Variants in MROH2B observed in about 807,000 individuals in gnomAD.
MROH2B encodes maestro heat-like repeat-containing protein family member 2B.
MROH2B carries 177 observed loss-of-function variants against 208.6 expected under a neutral mutation model. The ratio of observed to expected loss-of-function variants is 0.85; its 90% CI spans 0.75 to 0.96. The LOEUF is 0.96. MROH2B is among the 40% of genes least tolerant of loss of function. MROH2B has a pLI of 0.00. For missense variants in MROH2B, 2,002 were observed against 1,878.7 expected, an observed-to-expected ratio of 1.07 and a Z score of -1.21; for synonymous variants, 728 against 659.0, an observed-to-expected ratio of 1.10 and a Z score of -1.60.
intron 29 of MROH2B, among the ~76,000 whole-genome samples, chr5:41,014,773 T>C (rs1047160711): frequency 6.6e-6 from 1 of 152,180 alleles, no homozygotes; most frequent in Admixed American, 6.5e-5. Context: ...TCTTTCAGGG[T>C]GTTCTTCTCC....
chr5:41,022,062 G>A (rs1742168925), intron 24 of MROH2B, among the ~76,000 whole-genome samples: 1 of 152,116 alleles, frequency 6.6e-6, no homozygotes, highest in African/African-American at 2.4e-5. Context: ...GATATACATA[G>A]TAGAAGCGGT....
At chr5:41,012,801 A>G in intron 29 of MROH2B, 66 bp from the exon 30 acceptor site, 1 of 1,578,280 alleles carries the variant, frequency 6.3e-7, no homozygotes, top group Non-Finnish European at 8.6e-7. Flanking sequence ...TACTTACAAC[A>G]TGCTGTTGTG....
At chr5:41,015,654 T>C (rs550547615) in intron 28 of MROH2B, among the ~76,000 whole-genome samples, 176 bp from the exon 29 acceptor site, 1 of 152,248 alleles carries the variant, frequency 6.6e-6, no homozygotes, top group Non-Finnish European at 1.5e-5. Flanking sequence ...ATACTCTGCA[T>C]ACAATAATCT....
At position 41,010,007 on chromosome 5, in the gene MROH2B, T is replaced by C. The variant is rs141723926; in HGVS notation, c.3208A>G (p.Ile1070Val). Reference sequence around the variant, plus strand: ...GCTATCTGGGAGATGGCTTCTAGAATGAACTGAAAACTTTCTTCTTTTTGT... The same window carrying C: ...GCTATCTGGGAGATGGCTTCTAGAACGAACTGAAAACTTTCTTCTTTTTGT... ...LRQKEESFQF[I>V]LEAISQIASF... is the part of the protein sequence containing the mutation. Residue 1070 changes from isoleucine to valine, a missense_variant, in exon 31 of 42, where the codon ATT (isoleucine) becomes GTT (valine). By Grantham distance (29) the Ile-to-Val change is conservative (BLOSUM62 3). Coordinates refer to ENST00000399564, the MANE Select transcript of MROH2B (RefSeq NM_173489.5). The C allele has an allele frequency of 2.0e-4, 319 of 1,613,872 alleles. 4 individuals carry two copies. In the East Asian group the frequency reaches 7.0e-3, roughly 35 times the overall value.
intron 24 of MROH2B, among the ~76,000 whole-genome samples, chr5:41,031,597 A>G (rs1742572198): frequency 6.6e-6 from 1 of 151,952 alleles, no homozygotes; most frequent in Non-Finnish European, 1.5e-5. Flanking sequence ...TGTTTCTTCC[A>G]TCTTTTATTT....
In MROH2B at chr5:41,061,684, GT is replaced by G; in HGVS notation, c.500del (p.Asn167ThrfsTer27). 5.0e-6 allele frequency: 8 copies of G among 1,613,844 alleles called. No homozygotes were observed. The highest frequency in any genetic ancestry group is 6.8e-6 in the Non-Finnish European group (8 of 1,179,792). ...TGGGGTAGGGAAAATCTCTCCAGTGGTTGACATATTTGTAAATGGCTTTGCT... is the reference window on the plus strand; with the variant it reads ...TGGGGTAGGGAAAATCTCTCCAGTGGTGACATATTTGTAAATGGCTTTGCT... ...KFSKAIYKYVNHWRDFPYPRL... is the reference protein window; with the variant it reads ...KFSKAIYKYVXHWRDFPYPRL... On this transcript the variant is annotated frameshift_variant, in exon 6 of 42. Coordinates refer to ENST00000399564, the MANE Select transcript of MROH2B (RefSeq NM_173489.5). LOFTEE classifies it high-confidence loss of function.
chr5:41,053,421 A>T (rs541778487), intron 11 of MROH2B, among the ~76,000 whole-genome samples: 8 of 152,244 alleles, frequency 5.3e-5, no homozygotes, highest in Non-Finnish European at 1.2e-4. Context: ...CCTAGAAATT[A>T]GAGTGAAGTT....
At position 41,055,760 on chromosome 5, in the gene MROH2B, A is replaced by G. The variant is rs766781564; in HGVS notation, c.1015T>C (p.Leu339=). 31 of 1,613,688 alleles carry G rather than the reference A, an allele frequency of 1.9e-5. No homozygotes were observed. Among genetic ancestry groups the G allele is most frequent in the African/African-American group, 1.3e-4 (10 of 74,942 alleles). The change falls in exon 10 of 42, where the codon TTG becomes CTG. Residue 339 remains leucine, a synonymous_variant. Transcript: ENST00000399564. The part of the protein sequence containing the change: ...IRVGILTLLR[L]AVNADEPRLR... ...TGCTTACCATCAGCATTGACAGCCA[A>G]TCTTAACAAAGTCAAGATTCCCACT...
At chr5:41,032,265 A>G (rs1257837073) in intron 24 of MROH2B, among the ~76,000 whole-genome samples, 1 of 152,064 alleles carries the variant, frequency 6.6e-6, no homozygotes, top group Non-Finnish European at 1.5e-5. Context: ...AGCCATTCTG[A>G]TTGGCATGAG....
chr5:41,065,731 C>G (rs925917306), intron 3 of MROH2B, among the ~76,000 whole-genome samples: 5 of 152,034 alleles, frequency 3.3e-5, no homozygotes, highest in African/African-American at 1.2e-4. Context: ...AAAACGTCTA[C>G]TGACCCCCAA....
chr5:41,017,710 G>A (rs956819732), intron 28 of MROH2B, 140 bp downstream of exon 28: 19 of 900,078 alleles, frequency 2.1e-5, no homozygotes, highest in Non-Finnish European at 2.9e-5. Context: ...GGAGAGGAGA[G>A]GAGAAAAGGA....
At chr5:41,007,567 TGTTGTGTAA>T in intron 33 of MROH2B, 113 bp from the exon 34 acceptor site, 1 of 1,053,356 alleles carries the variant, frequency 9.5e-7, no homozygotes, top group Non-Finnish European at 1.2e-6. Context: ...GACTAGGGGA[TGTTGTGTAA>T]GGGAAAAACA....
intron 29 of MROH2B, among the ~76,000 whole-genome samples, chr5:41,012,942 C>CT (rs1314129383): frequency 2.6e-5 from 4 of 152,140 alleles, no homozygotes; most frequent in African/African-American, 9.7e-5. Flanking sequence ...GTGGAGTTGC[C>CT]TTTTTTATCA....
In MROH2B at chr5:41,038,788, A is replaced by T. The variant is rs1353264889; in HGVS notation, c.2162T>A (p.Leu721His). Residue 721 changes from leucine to histidine, a missense_variant, in exon 21 of 42, where the codon CTT becomes CAT. By Grantham distance (99) the Leu-to-His change is moderately conservative. Coordinates refer to ENST00000399564, the MANE Select transcript of MROH2B (RefSeq NM_173489.5). ...GACTTGGGATATGATATCTTGATTA[A>T]GTCTGGAGAGAAGTTGCTTCTTGGG... ...HAPKKQLLSRLNQDIISQVLS... is the reference protein window; with the variant it reads ...HAPKKQLLSRHNQDIISQVLS... 6.2e-7 allele frequency: 1 copy of T among 1,613,690 alleles called. No individual in the cohort carries two copies. The highest frequency in any genetic ancestry group is 1.7e-5 in the Admixed American group (1 of 60,008).
chr5:41,033,957 G>C, intron 21 of MROH2B, 93 bp from the exon 22 acceptor site: 1 of 1,454,514 alleles, frequency 6.9e-7, no homozygotes, highest in South Asian at 1.3e-5. Context: ...CAACCTGAAG[G>C]ACAATAGTAA....
intron 24 of MROH2B, among the ~76,000 whole-genome samples, chr5:41,024,713 C>T (rs1742287721): frequency 6.6e-6 from 1 of 152,168 alleles, no homozygotes; most frequent in Non-Finnish European, 1.5e-5. Flanking sequence ...ACTCTCCACC[C>T]CAAATCAACA....
chr5:41,004,455 A>T lies in MROH2B; in HGVS notation c.4085T>A (p.Val1362Asp). The stretch of plus-strand genomic sequence containing the variant: ...TTTTAGAGCCTTCAAGCTTTCACAG[A>T]CGACTTCAGTGCGAGCTAGGTGATA... The part of the protein sequence containing the change: ...GLYHLARTEV[V>D]CESLKALKKI... Residue 1362 changes from valine to aspartate, a missense_variant, in exon 37 of 42, where the codon GTC becomes GAC. Physicochemically the swap from Val to Asp is radical, Grantham distance 152. Transcript: ENST00000399564. 2 of 1,613,992 alleles carry T rather than the reference A, an allele frequency of 1.2e-6. No individual in the cohort carries two copies. The highest frequency in any genetic ancestry group is 1.7e-6 in the Non-Finnish European group (2 of 1,179,872).
intron 15 of MROH2B, 57 bp downstream of exon 15, chr5:41,049,044 T>C (rs1445666766): frequency 4.6e-6 from 7 of 1,509,798 alleles, no homozygotes; most frequent in Non-Finnish European, 6.3e-6. Context: ...TATTTGGAAC[T>C]GAACTATCCT....
chr5:41,000,360 CAG>C lies in MROH2B; in HGVS notation c.4351-11_4351-10del, dbSNP rs765032905. On this transcript the variant is annotated splice_polypyrimidine_tract_variant and intron_variant, in intron 38 of 41. Transcript: ENST00000399564. ...AAGACATCACGGCAAGCCTGGAAAA[CAG>C]AGTTTTCTGCATCACAGTCCAGAAC... is the stretch of plus-strand genomic sequence containing the variant. 1.2e-5 allele frequency: 20 copies of C among 1,613,030 alleles called. No individual in the cohort carries two copies. The East Asian group carries it at 3.3e-4, about 27-fold the overall frequency.
Sources: allele counts gnomAD v4.1 joint callset (sites outside exome capture counted in the v4.1 genomes callset), GRCh38; gene constraint gnomAD v4.1.1; transcripts MANE v1.5; gene names NCBI Gene and HGNC (gene_info 2026-07-23, HGNC 2026-07-21).